Variants in BICRAL observed in about 807,000 individuals in gnomAD.
BICRAL encodes BRD4-interacting chromatin-remodeling complex-associated protein-like.
BICRAL carries 8 observed loss-of-function variants against 91.8 expected under a neutral mutation model. The observed-to-expected ratio is 0.09, with a 90% confidence interval of 0.05 to 0.16. BICRAL has a LOEUF of 0.16. Among genes scored for constraint, BICRAL ranks in the 10% least tolerant of loss-of-function variants. The probability of loss-of-function intolerance (pLI) is 1.00; values close to 1 mark genes in which losing one functional copy is unlikely to be tolerated. For missense variants in BICRAL, 1,038 were observed against 1,310.9 expected, an observed-to-expected ratio of 0.79 and a Z score of 3.21; for synonymous variants, 445 against 491.1, an observed-to-expected ratio of 0.91 and a Z score of 1.24.
chr6:42,861,830 C>A (rs1765565330), intron 11 of BICRAL, among the ~76,000 whole-genome samples: 1 of 150,316 alleles, frequency 6.7e-6, no homozygotes, highest in Non-Finnish European at 1.5e-5. Flanking sequence ...AAAACCCTGT[C>A]TCTTGTAAAA....
Position 42,857,201 on chromosome 6 carries a change from A to G in BICRAL, c.2219A>G (p.Gln740Arg), listed in dbSNP as rs751833494. 64 of 1,613,786 alleles carry G rather than the reference A, an allele frequency of 4.0e-5. No individual in the cohort carries two copies. The highest frequency in any genetic ancestry group is 5.2e-5 in the Non-Finnish European group (61 of 1,179,878). Residue 740 changes from glutamine (Q) to arginine (R), a missense_variant, in exon 10 of 13, where the codon CAG (glutamine) becomes CGG (arginine). Around this residue, in one of 5 missense-constraint regions of BICRAL, gnomAD observed 294 missense variants for 292.6 expected, o/e 1.00. Coordinates refer to ENST00000314073, the MANE Select transcript of BICRAL (RefSeq NM_001393499.1). ...AGACTGCTCTCCTACCACGTGTGCC[A>G]GGGCTCCATGCCCACTGAAGAAGAC... ...VQRLLSYHVC[Q>R]GSMPTEEDLR...
At chr6:42,854,866 A>G (rs694205) in intron 8 of BICRAL, among the ~76,000 whole-genome samples, 141,372 of 152,194 alleles carry the variant, frequency 0.93, 65,731 homozygotes, top group East Asian at 1. Flanking sequence ...ATAGATGTAC[A>G]TATTTTCAGG....
intron 5 of BICRAL, among the ~76,000 whole-genome samples, chr6:42,824,545 T>C (rs1764233681): frequency 6.6e-6 from 1 of 152,152 alleles, no homozygotes; most frequent in Admixed American, 6.5e-5. Flanking sequence ...CGTTTCTCCA[T>C]GTTGGCCTGG....
At position 42,829,690 on chromosome 6, in the gene BICRAL, A is replaced by C; in HGVS notation, c.1357A>C (p.Arg453=). The part of the protein sequence containing the change: ...MLNRNSSNML[R]TNQPYTGPML... ...GAACAGAAACTCTTCCAACATGCTC[A>C]GGACCAACCAACCATATACTGGACC... Residue 453 remains arginine, a synonymous_variant, in exon 6 of 13, where the codon AGG becomes CGG. Coordinates refer to ENST00000314073, the MANE Select transcript of BICRAL (RefSeq NM_001393499.1). 6.2e-7 allele frequency: 1 copy of C among 1,614,226 alleles called. No homozygotes were observed. The highest frequency in any genetic ancestry group is 8.5e-7 in the Non-Finnish European group (1 of 1,180,048).
At chr6:42,852,425 G>T (rs749148434) in intron 7 of BICRAL, 3 of 634,352 alleles carry the variant, frequency 4.7e-6, no homozygotes, top group South Asian at 4.5e-5. Context: ...ACTTTGGGAG[G>T]CCAAGGAGAG....
Position 42,764,077 on chromosome 6 carries a change from AC to A in BICRAL, c.-261+17055del, listed in dbSNP as rs767838794. Among the ~76,000 whole-genome samples, 73 of 150,368 alleles carry A rather than the reference AC, an allele frequency of 4.9e-4. 1 individual carries two copies. The highest frequency in any genetic ancestry group is 3.2e-3 in the Admixed American group (48 of 15,068). Reference sequence around the variant, plus strand: ...GCCAACATGGTGAAACCCTGTCTCTACTAAAAATACAAAAATTAGCCGGGTG... The same window carrying A: ...GCCAACATGGTGAAACCCTGTCTCTATAAAAATACAAAAATTAGCCGGGTG... On this transcript the variant is annotated intron_variant, in intron 1 of 14. Coordinates refer to the BICRAL transcript ENST00000614467.
At chr6:42,802,426 T>TG (rs1562468948) in intron 1 of BICRAL, among the ~76,000 whole-genome samples, 3 of 132,120 alleles carry the variant, frequency 2.3e-5, no homozygotes, top group African/African-American at 8.8e-5. Context: ...TTCGTGTTTT[T>TG]TTTTGTTGTT....
rs62416291 is a variant in BICRAL at position 42,863,040 on chromosome 6, T to C, written c.2452+428T>C. Among the ~76,000 whole-genome samples the C allele has an allele frequency of 2.4e-3, 369 of 150,758 alleles. 1 individual carries two copies. Among genetic ancestry groups the C allele is most frequent in the Non-Finnish European group, 4.4e-3 (299 of 67,794 alleles). On this transcript the variant is annotated intron_variant, in intron 12 of 12. Coordinates refer to ENST00000314073, the MANE Select transcript of BICRAL (RefSeq NM_001393499.1). ...GTACCCTCAATGTTCTAAATCCTCA[T>C]GGACATTTCTTTTTTTTTTTTTTTT...
intron 1 of BICRAL, among the ~76,000 whole-genome samples, chr6:42,801,249 TAAAAAAAAA>T (rs386406867): frequency 3.0e-5 from 4 of 134,486 alleles, no homozygotes; most frequent in African/African-American, 1.1e-4. Flanking sequence ...AGACTCTGTT[TAAAAAAAAA>T]AAAAAAAAAG....
intron 1 of BICRAL, among the ~76,000 whole-genome samples, chr6:42,747,695 G>A (rs1032697193): frequency 2.0e-5 from 3 of 152,174 alleles, no homozygotes; most frequent in Non-Finnish European, 4.4e-5. Flanking sequence ...TGGAAAAGGG[G>A]GTGCCGAAAA....
At chr6:42,762,521 A>G (rs1405198101) in intron 1 of BICRAL, among the ~76,000 whole-genome samples, 1 of 152,214 alleles carries the variant, frequency 6.6e-6, no homozygotes, top group Non-Finnish European at 1.5e-5. Context: ...GTTATGTAAT[A>G]TTAGTGGTAT....
chr6:42,807,042 G>T (rs1015376183), intron 1 of BICRAL, among the ~76,000 whole-genome samples: 1 of 151,908 alleles, frequency 6.6e-6, no homozygotes, highest in Non-Finnish European at 1.5e-5. Context: ...TGTTGGCCAG[G>T]CTGGTCTTGA....
intron 12 of BICRAL, among the ~76,000 whole-genome samples, 154 bp downstream of exon 12, chr6:42,862,766 C>T (rs1217283773): frequency 6.6e-6 from 1 of 152,126 alleles, no homozygotes; most frequent in Non-Finnish European, 1.5e-5. Context: ...ACCTGTAATC[C>T]CATCTACTTC....
chr6:42,747,803 TTG>T (rs1562444447), intron 1 of BICRAL, among the ~76,000 whole-genome samples: 1 of 143,996 alleles, frequency 6.9e-6, no homozygotes. Context: ...TTGTTTTATT[TTG>T]TTTTTTTTTT....
Position 42,865,586 on chromosome 6 carries a change from CT to C in BICRAL, c.*143del. ...GCTTGATCTTTCATCACAGGTTATT[CT>C]TTCTAATCTCAATCCTGTTCTTTGT... On this transcript the variant is annotated 3_prime_UTR_variant, in exon 13 of 13. Coordinates refer to ENST00000314073, the MANE Select transcript of BICRAL (RefSeq NM_001393499.1). 1.7e-6 allele frequency: 1 copy of C among 604,486 alleles called. No homozygotes were observed. The highest frequency in any genetic ancestry group is 3.0e-6 in the Non-Finnish European group (1 of 337,926). 37.4% of individuals were successfully genotyped at this position (604,486 alleles called of 1,614,324 possible). A position where few individuals can be genotyped will look rare whatever the true frequency, so the allele number is the denominator to read the frequency against.
At position 42,866,725 on chromosome 6, in the gene BICRAL, T is replaced by C. The variant is rs1368993302; in HGVS notation, c.*1279T>C. On this transcript the variant is annotated 3_prime_UTR_variant, in exon 13 of 13. Transcript: ENST00000314073. ...ATGGTTTCTGTTTGGCCTGTGTTCA[T>C]ATTAGTGAGCATGGCTTACTGCTTT... 1 of 446,892 alleles carries C rather than the reference T, an allele frequency of 2.2e-6. No homozygotes were observed. Among genetic ancestry groups the C allele is most frequent in the Non-Finnish European group, 4.5e-6 (1 of 222,184 alleles). 27.7% of individuals were successfully genotyped at this position (446,892 alleles called of 1,614,324 possible). A position where few individuals can be genotyped will look rare whatever the true frequency, so the allele number is the denominator to read the frequency against.
chr6:42,824,594 A>G (rs1764236686), intron 5 of BICRAL, among the ~76,000 whole-genome samples: 1 of 152,174 alleles, frequency 6.6e-6, no homozygotes, highest in Non-Finnish European at 1.5e-5. Context: ...TCCCCGCCCC[A>G]TTACAGGCGT....
chr6:42,769,413 A>G (rs529375488), intron 1 of BICRAL, among the ~76,000 whole-genome samples: 3 of 152,254 alleles, frequency 2.0e-5, no homozygotes, highest in Admixed American at 6.5e-5. Context: ...GCCCTATCCT[A>G]TTGGTCACCC....
At chr6:42,832,874 A>ACC (rs1382550818) in intron 6 of BICRAL, among the ~76,000 whole-genome samples, 1 of 152,138 alleles carries the variant, frequency 6.6e-6, no homozygotes, top group East Asian at 1.9e-4. Context: ...ACAGTAATGA[A>ACC]CATTAAGAAA....
Sources: allele counts gnomAD v4.1 joint callset (sites outside exome capture counted in the v4.1 genomes callset), GRCh38; gene constraint gnomAD v4.1.1; regional missense constraint gnomAD v4.1.1; transcripts MANE v1.5; gene names NCBI Gene and HGNC (gene_info 2026-07-23, HGNC 2026-07-21).